Variants in MEGF10 observed in about 807,000 individuals in gnomAD.
The protein encoded by MEGF10 is multiple EGF like domains 10, also known as multiple epidermal growth factor-like domains protein 10.
In MEGF10, 86 loss-of-function variants were observed where a neutral mutation model predicts 147.5. The observed-to-expected ratio is 0.58, with a 90% CI of 0.49 to 0.70. The LOEUF is 0.70. Among genes scored for constraint, MEGF10 ranks in the 30% least tolerant of loss-of-function variants. MEGF10 has a pLI of 0.00. For synonymous variants in MEGF10, 478 were observed against 525.5 expected, an observed-to-expected ratio of 0.91 and a Z score of 1.24; for missense variants, 1,329 against 1,487.3, an observed-to-expected ratio of 0.89 and a Z score of 1.75.
chr5:127,247,306 G>C, the MEGF10 span, among the ~76,000 whole-genome samples: 1 of 82,218 alleles, frequency 1.2e-5, no homozygotes, highest in African/African-American at 4.3e-5. Context: ...GAGAGAGAGC[G>C]AGAGAAAGAG....
intron 1 of MEGF10, among the ~76,000 whole-genome samples, chr5:127,326,122 T>C (rs1201481822): frequency 6.6e-6 from 1 of 151,716 alleles, no homozygotes; most frequent in African/African-American, 2.4e-5. Context: ...GCTATGTTGC[T>C]GAGGCTAGTC....
At chr5:127,232,754 T>C in the MEGF10 span, among the ~76,000 whole-genome samples, 1 of 152,130 alleles carries the variant, frequency 6.6e-6, no homozygotes, top group African/African-American at 2.4e-5. Context: ...TGGGCACTTA[T>C]TATTAAATGG....
intron 5 of MEGF10, among the ~76,000 whole-genome samples, chr5:127,380,557 AC>A (rs1763213859): frequency 6.8e-6 from 1 of 146,122 alleles, no homozygotes; most frequent in African/African-American, 2.5e-5. Flanking sequence ...TCGCATTGTC[AC>A]CCGGGCTGGA....
intron 1 of MEGF10, among the ~76,000 whole-genome samples, chr5:127,322,153 A>G (rs1760813706): frequency 6.6e-6 from 1 of 150,940 alleles, no homozygotes; most frequent in Non-Finnish European, 1.5e-5. Context: ...TGGGTTGATC[A>G]TGTTCCATTT....
At chr5:127,288,767 G>A (rs1485902067), upstream of MEGF10, among the ~76,000 whole-genome samples, 2 of 152,188 alleles carry the variant, frequency 1.3e-5, no homozygotes, top group Non-Finnish European at 2.9e-5. Flanking sequence ...AAAAGGACTT[G>A]TTAAAGATTG....
At chr5:127,378,943 G>T (rs1213084186) in intron 5 of MEGF10, among the ~76,000 whole-genome samples, 3 of 151,842 alleles carry the variant, frequency 2.0e-5, no homozygotes, top group East Asian at 1.9e-4. Flanking sequence ...ATTGCTTCTG[G>T]CATAGTGAGA....
At chr5:127,423,750 T>C (rs1024264779) in intron 13 of MEGF10, among the ~76,000 whole-genome samples, 4 of 152,174 alleles carry the variant, frequency 2.6e-5, no homozygotes, top group African/African-American at 4.8e-5. Context: ...TACTATGGCG[T>C]TATAATCTTT....
the MEGF10 span, among the ~76,000 whole-genome samples, chr5:127,255,895 A>G: frequency 1.3e-5 from 2 of 152,142 alleles, no homozygotes; most frequent in Non-Finnish European, 2.9e-5. Context: ...CATGGTTTAC[A>G]ACCTTGTTTG....
At chr5:127,422,439 G>A (rs1052845401) in intron 12 of MEGF10, among the ~76,000 whole-genome samples, 4 of 152,070 alleles carry the variant, frequency 2.6e-5, no homozygotes, top group Admixed American at 1.3e-4. Context: ...CCTTCAACCC[G>A]GGAGGCCGAG....
intron 1 of MEGF10, among the ~76,000 whole-genome samples, chr5:127,327,816 G>A (rs1319821620): frequency 1.3e-5 from 2 of 151,134 alleles, no homozygotes; most frequent in Non-Finnish European, 2.9e-5. Context: ...CCAGGTTCAA[G>A]CAATTCTTCT....
intron 4 of MEGF10, among the ~76,000 whole-genome samples, chr5:127,344,327 C>A (rs564550020): frequency 2.0e-5 from 3 of 152,094 alleles, no homozygotes; most frequent in Non-Finnish European, 2.9e-5. Flanking sequence ...CAGGTATATA[C>A]ATTATCTTAT....
intron 5 of MEGF10, among the ~76,000 whole-genome samples, chr5:127,375,898 A>G (rs1031537760): frequency 3.9e-5 from 6 of 152,246 alleles, no homozygotes; most frequent in South Asian, 4.1e-4. Context: ...CTTTCATTGA[A>G]TGATTACTGT....
At chr5:127,247,391 A>G in the MEGF10 span, among the ~76,000 whole-genome samples, 26 of 34,690 alleles carry the variant, frequency 7.5e-4, no homozygotes, top group African/African-American at 3.6e-3. Context: ...AAGAAGAAGA[A>G]GAAGAAGAAG....
chr5:127,277,063 G>T, the MEGF10 span, among the ~76,000 whole-genome samples: 1 of 152,158 alleles, frequency 6.6e-6, no homozygotes, highest in African/African-American at 2.4e-5. Context: ...CTGAAGTATA[G>T]AGCAAGAGGA....
At chr5:127,372,498 C>T (rs1390032800) in intron 5 of MEGF10, among the ~76,000 whole-genome samples, 1 of 152,166 alleles carries the variant, frequency 6.6e-6, no homozygotes, top group Non-Finnish European at 1.5e-5. Flanking sequence ...ATCAATTTTT[C>T]CACTAACGTC....
intron 4 of MEGF10, among the ~76,000 whole-genome samples, chr5:127,352,763 C>T (rs1304169982): frequency 6.6e-6 from 1 of 152,154 alleles, no homozygotes; most frequent in African/African-American, 2.4e-5. Context: ...CCTTGTTCTT[C>T]AGAGAGCCAT....
chr5:127,380,816 T>TGACA lies in MEGF10; in HGVS notation c.412+10815_412+10818dup, dbSNP rs555753997. Among the ~76,000 whole-genome samples the TGACA allele has an allele frequency of 2.2e-4, 34 of 152,260 alleles. No individual in the cohort carries two copies. In the East Asian group the frequency reaches 6.4e-3, roughly 29 times the overall value. On this transcript the variant is annotated intron_variant, in intron 5 of 24. Transcript: ENST00000503335. ...ACAGGTGTGAGCCACCGCGCCCAGC[T>TGACA]GACACATTCATTCTTAATGACTTGG...
chr5:127,398,641 A>G lies in MEGF10; in HGVS notation c.660-35A>G, dbSNP rs201368132. 4.5e-4 allele frequency: 721 copies of G among 1,613,508 alleles called. 12 individuals carry two copies. In the South Asian group the frequency reaches 7.3e-3, roughly 16 times the overall value. On this transcript the variant is annotated intron_variant, in intron 6 of 24. Transcript: ENST00000503335. Reference sequence around the variant, plus strand: ...AACCCGAGGGTCATGTGTCTGGGAAATAACAGTGTCCTTTGTCACATGTTA... The same window carrying G: ...AACCCGAGGGTCATGTGTCTGGGAAGTAACAGTGTCCTTTGTCACATGTTA...
At chr5:127,260,146 G>A in the MEGF10 span, among the ~76,000 whole-genome samples, 2 of 151,868 alleles carry the variant, frequency 1.3e-5, no homozygotes, top group African/African-American at 2.4e-5. Flanking sequence ...AACAGAGTGA[G>A]TCTCCATCTC....
Sources: gnomAD v4.1 joint callset for allele counts (sites outside exome capture counted in the v4.1 genomes callset) on GRCh38, gnomAD v4.1.1 for gene constraint, MANE v1.5 for transcripts, NCBI Gene and HGNC (gene_info 2026-07-23, HGNC 2026-07-21) for gene names.